GDAP1: variants seen among roughly 807,000 people sequenced by gnomAD.
GDAP1 encodes ganglioside-induced differentiation-associated protein 1.
A neutral mutation model predicts 40.1 loss-of-function variants in GDAP1; 34 were observed. That is an observed-to-expected ratio of 0.85 (90% CI 0.64 to 1.13). GDAP1 has a LOEUF of 1.13. GDAP1 is among the 50% of genes most tolerant of loss of function. The probability of loss-of-function intolerance (pLI) is 0.00; values close to 1 mark genes in which losing one functional copy is unlikely to be tolerated. For synonymous variants in GDAP1, 170 were observed against 157.4 expected (o/e 1.08, Z -0.60); for missense variants, 374 against 433.7 (o/e 0.86, Z 1.22).
At chr8:74,358,812 A>G (rs1429588209) in intron 2 of GDAP1, among the ~76,000 whole-genome samples, 1 of 152,186 alleles carries the variant, frequency 6.6e-6, no homozygotes, top group Non-Finnish European at 1.5e-5. Context: ...TGGATAGGGA[A>G]TAATTGTATC....
Position 74,463,402 on chromosome 8 carries a change from G to C in GDAP1, c.166-25276G>C, listed in dbSNP as rs892993140. Among the ~76,000 whole-genome samples the C allele has an allele frequency of 7.4e-4, 111 of 149,302 alleles. 2 individuals are homozygous for C. The highest frequency in any genetic ancestry group is 2.8e-3 in the African/African-American group (109 of 39,284). ...CTTGAGCCCGGGAGTTCTAGGCTGC[G>C]GTGAGCTATGATTACACCACTGCAC... is the stretch of plus-strand genomic sequence containing the variant. On this transcript the variant is annotated intron_variant, in intron 2 of 2. Transcript: ENST00000523640.
Position 74,470,286 on chromosome 8 carries a change from A to G in GDAP1, c.166-18392A>G, listed in dbSNP as rs192833354. The stretch of plus-strand genomic sequence containing the variant: ...TATTTATTATACTCTAAGTTTTAGG[A>G]TACATGTGCACAACGTGCAGGTTGG... On this transcript the variant is annotated intron_variant, in intron 2 of 2. Coordinates refer to the GDAP1 transcript ENST00000523640. Among the ~76,000 whole-genome samples the G allele has an allele frequency of 2.7e-3, 408 of 152,170 alleles. 1 individual carries two copies. Among genetic ancestry groups the G allele is most frequent in the African/African-American group, 9.3e-3 (387 of 41,514 alleles).
intron 2 of GDAP1, among the ~76,000 whole-genome samples, chr8:74,357,643 G>T (rs1809164117): frequency 6.6e-6 from 1 of 152,134 alleles, no homozygotes; most frequent in South Asian, 2.1e-4. Context: ...CGGCAAGTCG[G>T]ATCTTGTGCC....
At chr8:74,363,808 T>C (rs192109029) in intron 5 of GDAP1, among the ~76,000 whole-genome samples, 177 bp from the exon 6 acceptor site, 1 of 151,440 alleles carries the variant, frequency 6.6e-6, no homozygotes, top group African/African-American at 2.4e-5. Flanking sequence ...TTGCATGGAC[T>C]TTTTTTTTAA....
At chr8:74,394,426 A>G (rs1232863981) in intron 2 of GDAP1, among the ~76,000 whole-genome samples, 2 of 152,148 alleles carry the variant, frequency 1.3e-5, no homozygotes, top group African/African-American at 4.8e-5. Context: ...AGGAGAGGTA[A>G]TCAATCACTT....
intron 2 of GDAP1, among the ~76,000 whole-genome samples, chr8:74,408,446 G>A (rs770661174): frequency 3.3e-5 from 5 of 149,920 alleles, no homozygotes; most frequent in East Asian, 1.9e-4. Context: ...TCAAAAGGAC[G>A]AAGCCCTCAT....
At chr8:74,358,585 A>C (rs1439171708) in intron 2 of GDAP1, among the ~76,000 whole-genome samples, 1 of 152,228 alleles carries the variant, frequency 6.6e-6, no homozygotes, top group African/African-American at 2.4e-5. Flanking sequence ...TAGCTGTCAG[A>C]GTGATAGAGT....
At chr8:74,416,602 C>G (rs1805782304) in intron 2 of GDAP1, among the ~76,000 whole-genome samples, 1 of 150,132 alleles carries the variant, frequency 6.7e-6, no homozygotes, top group Non-Finnish European at 1.5e-5. Flanking sequence ...AGGAACCTCA[C>G]AGAGTCTACA....
At chr8:74,379,157 T>C (rs1393908744) in intron 2 of GDAP1, among the ~76,000 whole-genome samples, 2 of 152,256 alleles carry the variant, frequency 1.3e-5, no homozygotes, top group African/African-American at 4.8e-5. Flanking sequence ...CGACTCAGGC[T>C]TTTTGAGGGC....
At chr8:74,352,917 C>T (rs927303498) in intron 2 of GDAP1, among the ~76,000 whole-genome samples, 10 of 152,020 alleles carry the variant, frequency 6.6e-5, no homozygotes, top group African/African-American at 2.4e-4. Flanking sequence ...AATGGAAAAT[C>T]CCATTTAAGT....
Position 74,410,063 on chromosome 8 carries a change from G to A in GDAP1, c.165+58742G>A, listed in dbSNP as rs371581107. On this transcript the variant is annotated intron_variant, in intron 2 of 2. Transcript: ENST00000523640. ...ACAGTATCCCCAGTTCTGTATAAGT[G>A]CATGCTTATCACTAAAGATAATGGA... Among the ~76,000 whole-genome samples the A allele has an allele frequency of 2.0e-5, 3 of 149,902 alleles. No homozygotes were observed. The East Asian group carries it at 5.8e-4, about 29-fold the overall frequency.
intron 2 of GDAP1, among the ~76,000 whole-genome samples, chr8:74,463,906 T>A (rs901389014): frequency 2.0e-5 from 3 of 150,054 alleles, no homozygotes; most frequent in African/African-American, 7.4e-5. Context: ...ATTTATTTAG[T>A]AGAGGCCAAA....
chr8:74,405,436 C>A (rs902863476), intron 2 of GDAP1, among the ~76,000 whole-genome samples: 5 of 150,036 alleles, frequency 3.3e-5, no homozygotes, highest in Non-Finnish European at 7.3e-5. Context: ...AGACAAAATT[C>A]ATTTTCCAAA....
chr8:74,353,555 A>T (rs1808972817), intron 2 of GDAP1, among the ~76,000 whole-genome samples: 1 of 152,202 alleles, frequency 6.6e-6, no homozygotes, highest in Non-Finnish European at 1.5e-5. Flanking sequence ...ACTCATGGAG[A>T]ATGAAAGTCA....
At chr8:74,437,017 A>T (rs1173453144) in intron 2 of GDAP1, among the ~76,000 whole-genome samples, 5 of 152,234 alleles carry the variant, frequency 3.3e-5, no homozygotes, top group African/African-American at 1.2e-4. Flanking sequence ...TACAAGGTAG[A>T]TATGGCTGGA....
At chr8:74,440,040 T>C (rs1806144559) in intron 2 of GDAP1, among the ~76,000 whole-genome samples, 1 of 152,174 alleles carries the variant, frequency 6.6e-6, no homozygotes, top group East Asian at 1.9e-4. Flanking sequence ...AATTTAATAT[T>C]GTTATTAATT....
intron 2 of GDAP1, among the ~76,000 whole-genome samples, chr8:74,390,492 T>C (rs189314895): frequency 8.6e-4 from 131 of 152,328 alleles, no homozygotes; most frequent in African/African-American, 3.1e-3. Context: ...CCTGTTTCCC[T>C]GGGTATCACC....
chr8:74,444,598 G>A (rs1416813965), intron 2 of GDAP1, among the ~76,000 whole-genome samples: 1 of 152,128 alleles, frequency 6.6e-6, no homozygotes, highest in Non-Finnish European at 1.5e-5. Context: ...TTCAATTAAA[G>A]ATCTGTAAAA....
intron 2 of GDAP1, among the ~76,000 whole-genome samples, chr8:74,378,680 T>G (rs1046848007): frequency 1.3e-5 from 2 of 152,188 alleles, no homozygotes; most frequent in Non-Finnish European, 1.5e-5. Flanking sequence ...AGAGGAAAGG[T>G]GTACATAATT....
Sources: gnomAD v4.1 joint callset for allele counts (sites outside exome capture counted in the v4.1 genomes callset) on GRCh38, gnomAD v4.1.1 for gene constraint, MANE v1.5 for transcripts, NCBI Gene and HGNC (gene_info 2026-07-23, HGNC 2026-07-21) for gene names.